RNGTT: variants seen among roughly 807,000 people sequenced by gnomAD.
RNGTT encodes mRNA-capping enzyme.
RNGTT carries 33 observed loss-of-function variants against 79.3 expected under a neutral mutation model. That is an observed-to-expected ratio of 0.42 (90% CI 0.32 to 0.56). The LOEUF (loss-of-function observed/expected upper bound fraction) is 0.56, where lower values mean the gene tolerates loss of function less well. RNGTT is among the 20% of genes least tolerant of loss of function. The probability of loss-of-function intolerance (pLI) is 0.17; values close to 1 mark genes in which losing one functional copy is unlikely to be tolerated. For missense variants in RNGTT, 497 were observed against 739.1 expected (o/e 0.67, Z 3.80); for synonymous variants, 222 against 235.9 (o/e 0.94, Z 0.54).
At chr6:88,747,593 C>A (rs546015105) in intron 13 of RNGTT, among the ~76,000 whole-genome samples, 1 of 152,168 alleles carries the variant, frequency 6.6e-6, no homozygotes, top group African/African-American at 2.4e-5. Context: ...AAGCCTGTAT[C>A]CCCGTGTTTG....
intron 4 of RNGTT, among the ~76,000 whole-genome samples, chr6:88,926,890 GA>G (rs1227763055): frequency 1.3e-5 from 2 of 152,140 alleles, no homozygotes; most frequent in African/African-American, 4.8e-5. Flanking sequence ...AGATTAATGG[GA>G]CTATTTTCTG....
At chr6:88,785,015 A>G (rs912046417) in intron 12 of RNGTT, among the ~76,000 whole-genome samples, 2 of 152,142 alleles carry the variant, frequency 1.3e-5, no homozygotes, top group African/African-American at 4.8e-5. Context: ...AAATTTCTGA[A>G]CCACGTGATT....
intron 13 of RNGTT, among the ~76,000 whole-genome samples, chr6:88,702,246 G>A (rs888695066): frequency 1.3e-5 from 2 of 151,950 alleles, no homozygotes; most frequent in Admixed American, 1.3e-4. Context: ...AAAAGAACCT[G>A]AATAGCTAAA....
At chr6:88,666,481 CA>C (rs1248780657) in intron 14 of RNGTT, among the ~76,000 whole-genome samples, 2 of 152,134 alleles carry the variant, frequency 1.3e-5, no homozygotes, top group African/African-American at 2.4e-5. Context: ...TAATGAATAC[CA>C]AAGGACATCA....
chr6:88,890,378 AT>A, intron 8 of RNGTT, 116 bp downstream of exon 8: 2 of 647,974 alleles, frequency 3.1e-6, no homozygotes, highest in Non-Finnish European at 5.2e-6. Flanking sequence ...TGAAACATTT[AT>A]TTTGCTATTC....
At chr6:88,752,674 A>G (rs957979183) in intron 13 of RNGTT, among the ~76,000 whole-genome samples, 3 of 152,150 alleles carry the variant, frequency 2.0e-5, no homozygotes, top group Non-Finnish European at 4.4e-5. Flanking sequence ...ATATGTTTTT[A>G]GAAGTGGGAA....
intron 13 of RNGTT, among the ~76,000 whole-genome samples, chr6:88,715,937 A>G (rs958559493): frequency 3.9e-5 from 6 of 152,194 alleles, no homozygotes; most frequent in Non-Finnish European, 8.8e-5. Context: ...CACAAAAAGC[A>G]ATGGCAACAA....
chr6:88,693,579 GA>G lies in RNGTT; in HGVS notation c.1440-15161del, dbSNP rs993289590. On this transcript the variant is annotated intron_variant, in intron 13 of 15. Coordinates refer to ENST00000369485, the MANE Select transcript of RNGTT (RefSeq NM_003800.5). ...CACCAAACTCTTCCCAAAAATCCAA[GA>G]GGAGAAAATACTTCCAAATTCTTTT... Among the ~76,000 whole-genome samples, 174 of 152,104 alleles carry G rather than the reference GA, an allele frequency of 1.1e-3. 1 individual carries two copies. Among genetic ancestry groups the G allele is most frequent in the African/African-American group, 4.0e-3 (168 of 41,528 alleles).
chr6:88,930,449 C>T (rs1034670373), intron 2 of RNGTT, among the ~76,000 whole-genome samples: 4 of 151,456 alleles, frequency 2.6e-5, no homozygotes, highest in Non-Finnish European at 4.4e-5. Context: ...GCAAGAGGAT[C>T]GCTTGAAAAA....
rs75974077 is a variant in RNGTT at position 88,768,552 on chromosome 6, G to A, written c.1439+1222C>T. On this transcript the variant is annotated intron_variant, in intron 13 of 15. Coordinates refer to ENST00000369485, the MANE Select transcript of RNGTT (RefSeq NM_003800.5). ...TTTCTTAATATATTTTAATCTTTTGGAGTCTGGACTCCATATATCCCCTGT... is the reference window on the plus strand; with the variant it reads ...TTTCTTAATATATTTTAATCTTTTGAAGTCTGGACTCCATATATCCCCTGT... 9.0e-3 allele frequency among the ~76,000 whole-genome samples: 1,373 copies of A among 152,062 alleles called. 20 individuals are homozygous for A. The highest frequency in any genetic ancestry group is 0.031 in the African/African-American group (1,288 of 41,476).
intron 14 of RNGTT, among the ~76,000 whole-genome samples, chr6:88,658,010 A>C (rs2756389): frequency 0.086 from 13,043 of 152,052 alleles, 1,920 homozygotes; most frequent in African/African-American, 0.3. Context: ...AACTCTTGGG[A>C]CCTCTATGAC....
In RNGTT at chr6:88,847,399, T is replaced by A. The variant is rs543249016; in HGVS notation, c.1104+2356A>T. Among the ~76,000 whole-genome samples the A allele has an allele frequency of 2.0e-5, 3 of 152,268 alleles. No individual in the cohort carries two copies. In the East Asian group the frequency reaches 5.8e-4, roughly 29 times the overall value. ...TTGATGAAATTCTTTCTGGACAAGC[T>A]AATAAACTAAGGGACTGAAAAGATT... On this transcript the variant is annotated intron_variant, in intron 10 of 15. Transcript: ENST00000369485.
chr6:88,877,589 T>C (rs1270033719), intron 8 of RNGTT, among the ~76,000 whole-genome samples: 1 of 152,180 alleles, frequency 6.6e-6, no homozygotes, highest in Non-Finnish European at 1.5e-5. Context: ...CACACCAGAA[T>C]GCAACCCCAT....
Position 88,891,835 on chromosome 6 carries a change from C to T in RNGTT, c.765G>A (p.Gln255=), listed in dbSNP as rs754461459. 1.9e-6 allele frequency: 3 copies of T among 1,600,532 alleles called. No homozygotes were observed. The Admixed American group carries it at 5.1e-5, about 27-fold the overall frequency. The change falls in exon 7 of 16, where the codon CAG becomes CAA. Residue 255 remains glutamine (Q), a synonymous_variant. Transcript: ENST00000369485. The part of the protein sequence containing the change: ...TTQPKLGEVQ[Q]KCHQFCGWEG... ...CCCAGCCACAGAATTGATGACACTT[C>T]TGCTGTACCTCTCCTAACTTTGGTT...
intron 13 of RNGTT, among the ~76,000 whole-genome samples, chr6:88,686,892 A>G (rs948340953): frequency 6.6e-6 from 1 of 152,178 alleles, no homozygotes. Context: ...TACAAGTATT[A>G]AAAGAAAACC....
chr6:88,672,893 T>C (rs1774710551), intron 14 of RNGTT, among the ~76,000 whole-genome samples: 2 of 152,074 alleles, frequency 1.3e-5, no homozygotes, highest in African/African-American at 4.8e-5. Flanking sequence ...TGTGTGTGTG[T>C]TCAGCTGTAG....
chr6:88,769,975 C>A, intron 12 of RNGTT, 101 bp from the exon 13 acceptor site: 2 of 693,294 alleles, frequency 2.9e-6, no homozygotes. Flanking sequence ...AAAATTACTT[C>A]TTTTCTAAAC....
intron 6 of RNGTT, among the ~76,000 whole-genome samples, chr6:88,903,004 G>T (rs985384281): frequency 2.6e-5 from 4 of 152,000 alleles, no homozygotes; most frequent in African/African-American, 9.7e-5. Flanking sequence ...ATGAAATCTT[G>T]AGTAACTAAT....
chr6:88,715,354 T>C (rs1340461127), intron 13 of RNGTT, among the ~76,000 whole-genome samples: 5 of 152,100 alleles, frequency 3.3e-5, no homozygotes, highest in African/African-American at 1.2e-4. Flanking sequence ...TGCTCATGGG[T>C]AGGAAGAATC....
Sources: gnomAD v4.1 joint callset for allele counts (sites outside exome capture counted in the v4.1 genomes callset) on GRCh38, gnomAD v4.1.1 for gene constraint, MANE v1.5 for transcripts, NCBI Gene and HGNC (gene_info 2026-07-23, HGNC 2026-07-21) for gene names.